Variants in GREB1 observed in about 807,000 individuals in gnomAD.
GREB1 encodes the protein protein GREB1.
Under a neutral mutation model 200.7 loss-of-function variants are expected in GREB1, and 106 were observed. The observed-to-expected ratio is 0.53, with a 90% CI of 0.45 to 0.62. GREB1 has a LOEUF of 0.62. Ranked by LOEUF, GREB1 falls within the 20% of genes least tolerant of loss-of-function variation. GREB1 has a pLI of 0.00. For missense variants in GREB1, 2,243 were observed against 2,556.8 expected (o/e 0.88, Z 2.65); for synonymous variants, 1,132 against 1,092.4 (o/e 1.04, Z -0.72).
In GREB1 at chr2:11,600,854, C is replaced by T. The variant is rs1490915711; in HGVS notation, c.2388C>T (p.Asp796=). The T allele has an allele frequency of 1.2e-6, 2 of 1,614,120 alleles. No individual in the cohort carries two copies. The highest frequency in any genetic ancestry group is 2.2e-5 in the East Asian group (1 of 44,878). ...SQSDPSVGLV[D]RLLNCREVKE... ...GTGACCCGTCGGTGGGATTGGTGGA[C>T]CGATTGCTCAACTGCAGGGAGGTGA... The change falls in exon 16 of 33, where the codon GAC becomes GAT. Residue 796 remains aspartate (D), a synonymous_variant. Coordinates refer to ENST00000381486, the MANE Select transcript of GREB1 (RefSeq NM_014668.4).
At chr2:11,539,419 A>T (rs1674558605) in intron 1 of GREB1, among the ~76,000 whole-genome samples, 1 of 152,070 alleles carries the variant, frequency 6.6e-6, no homozygotes, top group East Asian at 1.9e-4. Context: ...GGCATGTTCC[A>T]TGGTATTCAC....
At chr2:11,600,492 A>G (rs1681686388) in intron 15 of GREB1, among the ~76,000 whole-genome samples, 1 of 152,204 alleles carries the variant, frequency 6.6e-6, no homozygotes, top group Non-Finnish European at 1.5e-5. Context: ...CAAATGATTC[A>G]TGGAACATCC....
intron 15 of GREB1, among the ~76,000 whole-genome samples, chr2:11,599,299 T>C (rs1006104046): frequency 6.7e-6 from 1 of 149,448 alleles, no homozygotes; most frequent in African/African-American, 2.4e-5. Context: ...GTGGGGGCTC[T>C]GGTACCGTGG....
intron 1 of GREB1, among the ~76,000 whole-genome samples, chr2:11,523,353 A>C (rs185112690): frequency 1.0e-3 from 159 of 152,312 alleles, no homozygotes; most frequent in Admixed American, 3.9e-3. Context: ...CTGTATAACA[A>C]ACCTGCACAC....
intron 6 of GREB1, among the ~76,000 whole-genome samples, chr2:11,578,662 G>C (rs1345018226): frequency 2.0e-5 from 3 of 152,174 alleles, no homozygotes; most frequent in Non-Finnish European, 2.9e-5. Context: ...GGGATCCCCT[G>C]GTGGGGACAT....
At position 11,518,834 on chromosome 2, in the gene GREB1, C is replaced by T. The variant is rs151155928; in HGVS notation, c.-159+36453C>T. On this transcript the variant is annotated intron_variant, in intron 1 of 2. Coordinates refer to the GREB1 transcript ENST00000628795. ...AAAAATCCCGCCAGGCGAGGTGGCT[C>T]ACTTCTGTAATCCCAGCACTTTGGG... is the stretch of plus-strand genomic sequence containing the variant. 5.0e-3 allele frequency among the ~76,000 whole-genome samples: 762 copies of T among 152,044 alleles called. 5 individuals carry two copies. The highest frequency in any genetic ancestry group is 0.017 in the African/African-American group (725 of 41,494).
chr2:11,551,031 G>A (rs1675770022), intron 1 of GREB1, among the ~76,000 whole-genome samples: 1 of 152,152 alleles, frequency 6.6e-6, no homozygotes, highest in African/African-American at 2.4e-5. Flanking sequence ...CAGATTTACT[G>A]GTACCATGGG....
intron 7 of GREB1, among the ~76,000 whole-genome samples, chr2:11,582,641 G>A (rs540430601): frequency 1.4e-4 from 22 of 152,348 alleles, no homozygotes; most frequent in African/African-American, 5.0e-4. Flanking sequence ...TGCAGTTCCC[G>A]AGGGCAGCGC....
chr2:11,527,162 T>G (rs1424154947), intron 1 of GREB1, among the ~76,000 whole-genome samples: 1 of 152,208 alleles, frequency 6.6e-6, no homozygotes, highest in Non-Finnish European at 1.5e-5. Flanking sequence ...TTGTCCTGAA[T>G]AGTTTTTTGC....
intron 4 of GREB1, among the ~76,000 whole-genome samples, chr2:11,567,964 C>T (rs547539953): frequency 1.9e-4 from 29 of 152,320 alleles, no homozygotes; most frequent in South Asian, 1.7e-3. Context: ...GTTCTCATCC[C>T]GTGACTGTGG....
At chr2:11,516,789 CAAGA>C (rs1218927925) in intron 1 of GREB1, among the ~76,000 whole-genome samples, 10 of 152,188 alleles carry the variant, frequency 6.6e-5, no homozygotes, top group African/African-American at 2.2e-4. Context: ...CACACGCAAG[CAAGA>C]AAGAGAGACA....
chr2:11,534,430 C>G (rs1451448028), intron 1 of GREB1, among the ~76,000 whole-genome samples, 176 bp downstream of exon 1: 2 of 152,194 alleles, frequency 1.3e-5, no homozygotes, highest in African/African-American at 4.8e-5. Flanking sequence ...GTCAATCTGT[C>G]CGTACAAATT....
Position 11,633,964 on chromosome 2 carries a change from C to A in GREB1, c.4992-167C>A, listed in dbSNP as rs578205116. Among the ~76,000 whole-genome samples the A allele has an allele frequency of 1.3e-5, 2 of 152,218 alleles. No individual in the cohort carries two copies. The highest frequency in any genetic ancestry group is 1.5e-5 in the Non-Finnish European group (1 of 68,042). ...TCAGCACATAGCAGAAATGAGCGCC[C>A]GTGGGAAGCGCCCAGCAGGGTGCCT... On this transcript the variant is annotated intron_variant, in intron 28 of 32. Transcript: ENST00000381486. The surrounding 1 kb of genome is among the most constrained non-coding windows in gnomAD (Gnocchi z 4.1).
intron 21 of GREB1, among the ~76,000 whole-genome samples, chr2:11,617,864 C>T (rs999236168): frequency 3.9e-5 from 6 of 152,148 alleles, no homozygotes; most frequent in South Asian, 2.1e-4. Flanking sequence ...TTCTTTTCCC[C>T]TCACCTCCTG....
upstream of GREB1, among the ~76,000 whole-genome samples, chr2:11,531,574 T>A (rs1338718352): frequency 6.6e-6 from 1 of 151,954 alleles, no homozygotes; most frequent in East Asian, 1.9e-4. Context: ...ATTAATTAAT[T>A]ATTATTATTA....
chr2:11,527,966 G>T lies in GREB1; in HGVS notation c.-158-28491G>T, dbSNP rs1479010870. 2.0e-5 allele frequency among the ~76,000 whole-genome samples: 3 copies of T among 152,204 alleles called. No homozygotes were observed. The East Asian group carries it at 5.8e-4, about 29-fold the overall frequency. On this transcript the variant is annotated intron_variant, in intron 1 of 2. Coordinates refer to the GREB1 transcript ENST00000628795. ...AATTTCCTTTCCCTTTAACTTTTTT[G>T]AAGGCTTTTCTTCTTTCTGCACTGA...
intron 10 of GREB1, among the ~76,000 whole-genome samples, chr2:11,590,346 T>C (rs1411899874): frequency 2.0e-5 from 3 of 152,094 alleles, no homozygotes; most frequent in Non-Finnish European, 4.4e-5. Flanking sequence ...CTCAGAGCCC[T>C]GCCGCGGCTT....
rs955134796 is a variant in GREB1 at position 11,627,079 on chromosome 2, A to C, written c.4424A>C (p.Tyr1475Ser). 1.2e-6 allele frequency: 2 copies of C among 1,604,432 alleles called. No homozygotes were observed. Among genetic ancestry groups the C allele is most frequent in the African/African-American group, 2.7e-5 (2 of 74,646 alleles). Residue 1475 changes from tyrosine to serine, a missense_variant, in exon 25 of 33, where the codon TAC becomes TCC. Tyr to Ser is a moderately radical substitution (Grantham distance 144). Around this residue, in one of 3 missense-constraint regions of GREB1, gnomAD observed 587 missense variants for 553.1 expected, o/e 1.06. Coordinates refer to ENST00000381486, the MANE Select transcript of GREB1 (RefSeq NM_014668.4). ...CACCACTGTGAGCAGTGCCACCAGT[A>C]CATGGGCTTCCACCCCCGCTACCAG... The part of the protein sequence containing the change: ...TYHHCEQCHQ[Y>S]MGFHPRYQLY...
intron 2 of GREB1, 127 bp from the exon 3 acceptor site, chr2:11,562,336 A>G (rs1677146938): frequency 8.1e-7 from 1 of 1,235,024 alleles, no homozygotes; most frequent in Admixed American, 2.4e-5. Flanking sequence ...GGTGGAACCC[A>G]TTCTGGATTA....
Sources: gnomAD v4.1 joint callset for allele counts (sites outside exome capture counted in the v4.1 genomes callset) on GRCh38, gnomAD v4.1.1 for gene constraint, gnomAD v4.1.1 regional missense constraint, Gnocchi (gnomAD v3.1) non-coding constraint, MANE v1.5 for transcripts, NCBI Gene and HGNC (gene_info 2026-07-23, HGNC 2026-07-21) for gene names.